The following NREP variants were observed in gnomAD, a reference collection of about 807,000 sequenced individuals.
NREP encodes neuronal regeneration-related protein.
A neutral mutation model predicts 8.6 loss-of-function variants in NREP; 5 were observed. The ratio of observed to expected loss-of-function variants is 0.58; its 90% CI spans 0.30 to 1.22. NREP has a LOEUF of 1.22. Among genes scored for constraint, NREP ranks in the 50% most tolerant of loss-of-function variants. The pLI is 0.07. For missense variants in NREP, 86 were observed against 82.5 expected (o/e 1.04, Z -0.17); for synonymous variants, 27 against 28.0 (o/e 0.96, Z 0.11).
chr5:111,803,920 G>T (rs1303213054), intron 2 of NREP, among the ~76,000 whole-genome samples: 3 of 152,130 alleles, frequency 2.0e-5, no homozygotes, highest in Admixed American at 2.0e-4. Context: ...TCTTGGATTA[G>T]GAGAATAAAG....
intron 2 of NREP, among the ~76,000 whole-genome samples, chr5:111,870,787 T>A (rs1429761727): frequency 6.6e-6 from 1 of 152,114 alleles, no homozygotes; most frequent in Non-Finnish European, 1.5e-5. Context: ...GATATGCAGC[T>A]GCAAGCCAAG....
chr5:111,902,210 C>T (rs1227372043), intron 2 of NREP, among the ~76,000 whole-genome samples: 1 of 152,004 alleles, frequency 6.6e-6, no homozygotes, highest in African/African-American at 2.4e-5. Context: ...AGGACCCTCT[C>T]TTAAATAAAT....
chr5:111,740,949 A>G (rs1253453345), intron 2 of NREP, among the ~76,000 whole-genome samples: 1 of 152,308 alleles, frequency 6.6e-6, no homozygotes, highest in Admixed American at 6.5e-5. Flanking sequence ...AGGCAGGATT[A>G]TATCTTTTTG....
intron 2 of NREP, among the ~76,000 whole-genome samples, chr5:111,769,318 A>C (rs1751161805): frequency 6.6e-6 from 1 of 152,198 alleles, no homozygotes; most frequent in Non-Finnish European, 1.5e-5. Context: ...ACACTGTCCT[A>C]ATGGAACTTA....
In NREP at chr5:111,730,867, C is replaced by A; in HGVS notation, c.*54G>T. On this transcript the variant is annotated 3_prime_UTR_variant, in exon 4 of 4. Transcript: ENST00000257435. The stretch of plus-strand genomic sequence containing the variant: ...CAGAAAAAAATCCCATATATGATAC[C>A]ATGACCTCATCAATACCCATACACC... The A allele has an allele frequency of 6.3e-7, 1 of 1,593,160 alleles. No individual in the cohort carries two copies. Among genetic ancestry groups the A allele is most frequent in the South Asian group, 1.1e-5 (1 of 89,740 alleles).
At chr5:111,914,687 C>T (rs1351812192) in intron 2 of NREP, among the ~76,000 whole-genome samples, 1 of 152,114 alleles carries the variant, frequency 6.6e-6, no homozygotes, top group Non-Finnish European at 1.5e-5. Flanking sequence ...AGTAGCCTTA[C>T]TGAGAGATCC....
chr5:111,811,848 C>G (rs1157261071), intron 2 of NREP, among the ~76,000 whole-genome samples: 3 of 152,082 alleles, frequency 2.0e-5, no homozygotes. Flanking sequence ...CTTATCCTCA[C>G]TGATACTGAG....
intron 2 of NREP, among the ~76,000 whole-genome samples, chr5:111,903,975 G>T (rs1401305896): frequency 1.3e-5 from 2 of 152,070 alleles, no homozygotes; most frequent in African/African-American, 4.8e-5. Context: ...ATTAATGAAA[G>T]TAATTTGTCT....
chr5:111,884,117 T>G lies in NREP; in HGVS notation c.135+91157A>C, dbSNP rs1213030172. 7.9e-5 allele frequency among the ~76,000 whole-genome samples: 12 copies of G among 151,798 alleles called. No individual in the cohort carries two copies. In the East Asian group the frequency reaches 1.2e-3, roughly 15 times the overall value. ...AGAAAAGAGAGAAGAATCAAATAGA[T>G]GCAATAAAAAATGATAAAGGGGATA... On this transcript the variant is annotated intron_variant, in intron 2 of 3. Transcript: ENST00000395634.
In NREP at chr5:111,834,063, T is replaced by C. The variant is rs188171239; in HGVS notation, c.136-98556A>G. ...GTAACATCAGCCTACTGAATGCAGA[T>C]GTCACCTGACTTTTTTTGTGTTGCC... On this transcript the variant is annotated intron_variant, in intron 2 of 3. Coordinates refer to the NREP transcript ENST00000395634. 2.3e-4 allele frequency among the ~76,000 whole-genome samples: 35 copies of C among 152,302 alleles called. 1 individual carries two copies. The highest frequency in any genetic ancestry group is 1.9e-4 in the Non-Finnish European group (13 of 68,024).
intron 2 of NREP, among the ~76,000 whole-genome samples, chr5:111,852,037 G>C (rs28701591): frequency 0.054 from 8,267 of 152,182 alleles, 478 homozygotes; most frequent in African/African-American, 0.13. Flanking sequence ...TGCCTTTGGG[G>C]AAGTGATTAA....
At chr5:111,951,463 A>G (rs1756157743) in intron 2 of NREP, among the ~76,000 whole-genome samples, 1 of 152,080 alleles carries the variant, frequency 6.6e-6, no homozygotes. Flanking sequence ...AGCGGTGGTC[A>G]TAGTGCTGAT....
chr5:111,939,774 T>C (rs1755780926), intron 2 of NREP, among the ~76,000 whole-genome samples: 1 of 152,068 alleles, frequency 6.6e-6, no homozygotes, highest in Admixed American at 6.6e-5. Flanking sequence ...CTAGTGTTCC[T>C]GAGCACAAGA....
intron 2 of NREP, among the ~76,000 whole-genome samples, chr5:111,855,814 A>G (rs1002023922): frequency 2.0e-5 from 3 of 152,150 alleles, no homozygotes; most frequent in Non-Finnish European, 4.4e-5. Flanking sequence ...CAACCTCCCC[A>G]ATAATACTTT....
chr5:111,759,705 G>A (rs935821183), upstream of NREP, among the ~76,000 whole-genome samples: 2 of 152,192 alleles, frequency 1.3e-5, no homozygotes, highest in African/African-American at 4.8e-5. Context: ...TCCTCTAGGT[G>A]AAGGGGGCTG....
At chr5:111,804,661 T>C (rs1310749699) in intron 2 of NREP, among the ~76,000 whole-genome samples, 1 of 151,792 alleles carries the variant, frequency 6.6e-6, no homozygotes, top group Non-Finnish European at 1.5e-5. Flanking sequence ...ATCCCTAATA[T>C]GTAATCAAAT....
intron 2 of NREP, among the ~76,000 whole-genome samples, chr5:111,842,485 ACTT>A (rs1561689508): frequency 1.3e-5 from 2 of 152,130 alleles, no homozygotes; most frequent in African/African-American, 4.8e-5. Context: ...CTACATTTCA[ACTT>A]CTTCTGCCCC....
intron 2 of NREP, among the ~76,000 whole-genome samples, chr5:111,850,774 T>C (rs1672760041): frequency 6.6e-6 from 1 of 152,138 alleles, no homozygotes; most frequent in East Asian, 1.9e-4. Context: ...ACCACTTTTC[T>C]TTTTCCCTTC....
chr5:111,951,874 T>C (rs563332624), intron 2 of NREP, among the ~76,000 whole-genome samples: 1 of 152,186 alleles, frequency 6.6e-6, no homozygotes, highest in South Asian at 2.1e-4. Context: ...TTTCGGGTAA[T>C]ACTAGAAATA....
Sources: gnomAD v4.1 joint callset for allele counts (sites outside exome capture counted in the v4.1 genomes callset) on GRCh38, gnomAD v4.1.1 for gene constraint, MANE v1.5 for transcripts, NCBI Gene and HGNC (gene_info 2026-07-23, HGNC 2026-07-21) for gene names.